ZBTB7C: variants seen among roughly 807,000 people sequenced by gnomAD.
The protein encoded by ZBTB7C is zinc finger and BTB domain-containing protein 7C.
Under a neutral mutation model 25.7 loss-of-function variants are expected in ZBTB7C, and 8 were observed. The ratio of observed to expected loss-of-function variants is 0.31; its 90% confidence interval spans 0.18 to 0.56. The LOEUF (loss-of-function observed/expected upper bound fraction) is 0.56, where lower values mean the gene tolerates loss of function less well. Among genes scored for constraint, ZBTB7C ranks in the 20% least tolerant of loss-of-function variants. The pLI, the probability that ZBTB7C is intolerant of heterozygous loss-of-function variation, is 0.91. For synonymous variants in ZBTB7C, 394 were observed against 369.0 expected (o/e 1.07, Z -0.78); for missense variants, 824 against 855.2 (o/e 0.96, Z 0.46).
chr18:48,262,368 G>A (rs1050891439), intron 2 of ZBTB7C, among the ~76,000 whole-genome samples: 1 of 152,180 alleles, frequency 6.6e-6, no homozygotes, highest in African/African-American at 2.4e-5. Flanking sequence ...ACCACTTACA[G>A]AGTCCACACC....
chr18:48,078,544 G>A (rs571938509), intron 3 of ZBTB7C, among the ~76,000 whole-genome samples: 1 of 152,326 alleles, frequency 6.6e-6, no homozygotes, highest in Non-Finnish European at 1.5e-5. Flanking sequence ...TGAGTTGGGT[G>A]TACTGGGGAG....
At chr18:48,336,174 G>A (rs2046453226) in intron 2 of ZBTB7C, among the ~76,000 whole-genome samples, 1 of 152,124 alleles carries the variant, frequency 6.6e-6, no homozygotes, top group Admixed American at 6.5e-5. Context: ...CACCATTTCC[G>A]AGTGGTAGGG....
At chr18:48,246,837 C>T (rs1158091476) in intron 2 of ZBTB7C, among the ~76,000 whole-genome samples, 3 of 152,160 alleles carry the variant, frequency 2.0e-5, no homozygotes, top group South Asian at 4.2e-4. Flanking sequence ...CACACCCTGG[C>T]CTCTGCCCCA....
chr18:48,068,573 G>C (rs766392756), intron 3 of ZBTB7C, among the ~76,000 whole-genome samples: 1 of 152,064 alleles, frequency 6.6e-6, no homozygotes, highest in Non-Finnish European at 1.5e-5. Flanking sequence ...TCTGGAAATG[G>C]AGCCTGGGCA....
At chr18:48,375,921 G>A (rs114658209) in intron 1 of ZBTB7C, among the ~76,000 whole-genome samples, 21 of 152,192 alleles carry the variant, frequency 1.4e-4, no homozygotes, top group Admixed American at 1.4e-3. Flanking sequence ...GAGACCTTAG[G>A]CAAGTCATTT....
Position 48,029,452 on chromosome 18 carries a change from C to T in ZBTB7C, c.1668G>A (p.Met556Ile). ...ELERQFEETQ[M>I]KLFGRAQLEA... ...CCAGCTGCGCGCGCCCGAACAGCTT[C>T]ATCTGTGTCTCCTCGAACTGCCGCT... is the stretch of plus-strand genomic sequence containing the variant. The change falls in exon 5 of 5, where the codon ATG (methionine) becomes ATA (isoleucine). Residue 556 changes from methionine (M) to isoleucine (I), a missense_variant. Transcript: ENST00000590800. 1.3e-6 allele frequency: 2 copies of T among 1,597,478 alleles called. No individual in the cohort carries two copies. The highest frequency in any genetic ancestry group is 1.7e-6 in the Non-Finnish European group (2 of 1,175,180).
At chr18:48,070,229 C>A (rs973578830) in intron 3 of ZBTB7C, among the ~76,000 whole-genome samples, 2 of 152,200 alleles carry the variant, frequency 1.3e-5, no homozygotes, top group African/African-American at 4.8e-5. Flanking sequence ...AAAGTGTCAG[C>A]CACAATGAGT....
At chr18:48,317,257 C>CAAAAAAAA (rs71165318) in intron 2 of ZBTB7C, among the ~76,000 whole-genome samples, 1 of 69,436 alleles carries the variant, frequency 1.4e-5, no homozygotes, top group Non-Finnish European at 2.9e-5. Context: ...AACTCCGTCT[C>CAAAAAAAA]AAAAAAAAAA....
intron 1 of ZBTB7C, among the ~76,000 whole-genome samples, chr18:48,370,187 A>G (rs1425764718): frequency 2.6e-5 from 4 of 152,174 alleles, no homozygotes; most frequent in Non-Finnish European, 5.9e-5. Context: ...CAACAAGTGA[A>G]TGGTTAAACA....
At chr18:48,311,988 C>T (rs2045831631) in intron 2 of ZBTB7C, among the ~76,000 whole-genome samples, 2 of 152,198 alleles carry the variant, frequency 1.3e-5, no homozygotes, top group Admixed American at 1.3e-4. Context: ...CCTGCTTATC[C>T]AGTTTCTGTC....
At chr18:48,376,346 G>A (rs1055802150) in intron 1 of ZBTB7C, among the ~76,000 whole-genome samples, 2 of 152,172 alleles carry the variant, frequency 1.3e-5, no homozygotes, top group South Asian at 2.1e-4. Context: ...AGGGTTTTCC[G>A]GGCCTCTCCA....
intron 2 of ZBTB7C, among the ~76,000 whole-genome samples, chr18:48,306,413 T>C (rs145528509): frequency 6.6e-6 from 1 of 152,358 alleles, no homozygotes; most frequent in African/African-American, 2.4e-5. Context: ...TAAACATATG[T>C]AAGTGTACAG....
chr18:48,126,956 A>C (rs886119078), intron 3 of ZBTB7C, among the ~76,000 whole-genome samples: 4 of 152,140 alleles, frequency 2.6e-5, no homozygotes, highest in African/African-American at 9.7e-5. Flanking sequence ...AGGGGGAGGG[A>C]AAAGAGAACC....
intron 3 of ZBTB7C, among the ~76,000 whole-genome samples, chr18:48,133,787 A>T (rs927906366): frequency 6.6e-6 from 1 of 152,198 alleles, no homozygotes; most frequent in Admixed American, 6.5e-5. Flanking sequence ...GCTCTTGGCA[A>T]CAATCTCTCA....
intron 3 of ZBTB7C, among the ~76,000 whole-genome samples, chr18:48,183,251 C>A (rs1309214379): frequency 6.6e-6 from 1 of 152,198 alleles, no homozygotes; most frequent in Non-Finnish European, 1.5e-5. Context: ...CCTTTCTATA[C>A]TGCATCAGAT....
intron 3 of ZBTB7C, chr18:48,077,128 C>T (rs1016251976): frequency 9.1e-6 from 4 of 438,186 alleles, no homozygotes; most frequent in Admixed American, 6.5e-5. Context: ...GCAATACAGG[C>T]TCTCTTTAAA....
chr18:48,385,266 A>G (rs1184953540), intron 1 of ZBTB7C, among the ~76,000 whole-genome samples: 1 of 151,944 alleles, frequency 6.6e-6, no homozygotes, highest in East Asian at 1.9e-4. Context: ...TCTTTTTTCA[A>G]TTTAGAGTCA....
chr18:48,149,190 ACGTGTGTGTGCACGCGTGTG>A (rs2040595976), intron 3 of ZBTB7C: 1 of 139,774 alleles, frequency 7.2e-6, no homozygotes, highest in African/African-American at 2.7e-5. Flanking sequence ...GTGTGTGCGC[ACGTGTGTGTGCACGCGTGTG>A]TGTATGCATG....
intron 2 of ZBTB7C, among the ~76,000 whole-genome samples, chr18:48,292,454 G>A (rs1428345924): frequency 6.6e-6 from 1 of 152,054 alleles, no homozygotes; most frequent in African/African-American, 2.4e-5. Flanking sequence ...TGACCTCCAA[G>A]GTGTCCAGAC....
Sources: gnomAD v4.1 joint callset for allele counts (sites outside exome capture counted in the v4.1 genomes callset) on GRCh38, gnomAD v4.1.1 for gene constraint, MANE v1.5 for transcripts, NCBI Gene and HGNC (gene_info 2026-07-23, HGNC 2026-07-21) for gene names.